Variants in SOCS2 observed in about 807,000 individuals in gnomAD.
SOCS2 encodes suppressor of cytokine signaling 2, also known as CIS-2.
In SOCS2, 10 loss-of-function variants were observed where a neutral mutation model predicts 18.6. The ratio of observed to expected loss-of-function variants is 0.54; its 90% confidence interval spans 0.33 to 0.91. The LOEUF (loss-of-function observed/expected upper bound fraction) is 0.91. Ranked by LOEUF, SOCS2 falls within the 40% of genes least tolerant of loss-of-function variation. The probability of loss-of-function intolerance (pLI) is 0.02; values close to 1 mark genes in which losing one functional copy is unlikely to be tolerated. For missense variants in SOCS2, 231 were observed against 247.2 expected (o/e 0.93, Z 0.44); for synonymous variants, 104 against 104.0 (o/e 1.00, Z 0.00).
chr12:93,572,488 A>G (rs1954290874), upstream of SOCS2: 1 of 370,718 alleles, frequency 2.7e-6, no homozygotes, highest in South Asian at 2.2e-5. This position sits in a 1 kb window ranked among gnomAD's most constrained non-coding sequence, Gnocchi z 5.0. Flanking sequence ...TCTTCAGCCA[A>G]CTTTATCTTG....
the SOCS2 span, among the ~76,000 whole-genome samples, chr12:93,615,142 A>C: frequency 6.6e-6 from 1 of 152,114 alleles, no homozygotes; most frequent in East Asian, 1.9e-4. Context: ...GAGCTGCCTT[A>C]TCATCCTGCC....
the SOCS2 span, among the ~76,000 whole-genome samples, chr12:93,596,909 T>A: frequency 1.3e-5 from 2 of 152,154 alleles, no homozygotes; most frequent in African/African-American, 4.8e-5. Flanking sequence ...ACAAATTGTC[T>A]TTCTTCTTGG....
At chr12:93,599,640 A>T in the SOCS2 span, among the ~76,000 whole-genome samples, 1 of 152,214 alleles carries the variant, frequency 6.6e-6, no homozygotes, top group African/African-American at 2.4e-5. Flanking sequence ...GAGAGGTGGG[A>T]CCTTTAATAG....
At chr12:93,614,840 C>T in the SOCS2 span, among the ~76,000 whole-genome samples, 2 of 151,216 alleles carry the variant, frequency 1.3e-5, no homozygotes, top group Admixed American at 6.6e-5. Context: ...TCTTGAACTC[C>T]CGACCTCAGG....
At chr12:93,622,203 G>A in the SOCS2 span, among the ~76,000 whole-genome samples, 2 of 152,172 alleles carry the variant, frequency 1.3e-5, no homozygotes, top group East Asian at 3.9e-4. Context: ...GCTGAGGGCT[G>A]CTGATTTCTT....
rs1039457809 is a variant in SOCS2 at position 93,573,229 on chromosome 12, CA to C, written c.139+194del. 13 of 695,950 alleles carry C rather than the reference CA, an allele frequency of 1.9e-5. No individual in the cohort carries two copies. The African/African-American group carries it at 2.3e-4, about 13-fold the overall frequency. 43.1% of individuals were successfully genotyped at this position (695,950 alleles called of 1,614,324 possible). A position where few individuals can be genotyped will look rare whatever the true frequency, so the allele number is the denominator to read the frequency against. On this transcript the variant is annotated intron_variant, in intron 1 of 1. Transcript: ENST00000551556. Reference sequence around the variant, plus strand: ...TAAGGAAAGTGGTTCTCCAGGGACTCAGGCCTGGCGGAGCGCAGAGCGCGGG... The same window carrying C: ...TAAGGAAAGTGGTTCTCCAGGGACTCGGCCTGGCGGAGCGCAGAGCGCGGG...
the SOCS2 span, among the ~76,000 whole-genome samples, chr12:93,596,387 A>G: frequency 3.9e-5 from 6 of 152,220 alleles, no homozygotes; most frequent in Non-Finnish European, 5.9e-5. Flanking sequence ...TCTGATTTTA[A>G]TACCTGATTT....
chr12:93,624,542 G>A, the SOCS2 span, among the ~76,000 whole-genome samples: 1 of 151,040 alleles, frequency 6.6e-6, no homozygotes. Context: ...ACTGCACTCA[G>A]CCTGGCAACA....
At chr12:93,603,082 C>A in the SOCS2 span, among the ~76,000 whole-genome samples, 1 of 152,128 alleles carries the variant, frequency 6.6e-6, no homozygotes, top group Non-Finnish European at 1.5e-5. Flanking sequence ...GAGACCAAGT[C>A]GTAGCTGTTC....
chr12:93,619,232 C>T, the SOCS2 span, among the ~76,000 whole-genome samples: 1 of 152,162 alleles, frequency 6.6e-6, no homozygotes, highest in Non-Finnish European at 1.5e-5. Context: ...GGGTAAGTTG[C>T]CCCGCTTCTT....
chr12:93,601,021 G>A, the SOCS2 span, among the ~76,000 whole-genome samples: 13 of 150,936 alleles, frequency 8.6e-5, no homozygotes, highest in South Asian at 2.1e-4. Context: ...GAACTCTTGC[G>A]CTCAAGTTAT....
At chr12:93,607,835 C>T in the SOCS2 span, among the ~76,000 whole-genome samples, 3 of 152,142 alleles carry the variant, frequency 2.0e-5, no homozygotes, top group Non-Finnish European at 4.4e-5. Flanking sequence ...TGGAATACCC[C>T]TCACTGTGTG....
chr12:93,590,565 A>G, the SOCS2 span, among the ~76,000 whole-genome samples: 6 of 149,878 alleles, frequency 4.0e-5, no homozygotes, highest in East Asian at 4.0e-4. Flanking sequence ...GGGAGGCCGA[A>G]GTGGGCGGAT....
downstream of SOCS2, among the ~76,000 whole-genome samples, chr12:93,580,755 G>A (rs549467943): frequency 7.9e-5 from 12 of 151,996 alleles, no homozygotes; most frequent in South Asian, 1.7e-3. Flanking sequence ...TAGGTTTCCA[G>A]CATAGCTTGT....
At chr12:93,618,606 A>G in the SOCS2 span, among the ~76,000 whole-genome samples, 1 of 152,148 alleles carries the variant, frequency 6.6e-6, no homozygotes, top group East Asian at 1.9e-4. Context: ...TTTTACATGT[A>G]TGCCTCTACT....
chr12:93,599,622 G>A, the SOCS2 span, among the ~76,000 whole-genome samples: 8 of 152,382 alleles, frequency 5.2e-5, no homozygotes, highest in African/African-American at 1.9e-4. Flanking sequence ...CAGTGCAACA[G>A]TGTTGAGGAG....
the SOCS2 span, among the ~76,000 whole-genome samples, chr12:93,609,723 C>G: frequency 6.6e-6 from 1 of 152,300 alleles, no homozygotes; most frequent in East Asian, 1.9e-4. Flanking sequence ...TGACTGTTCC[C>G]TAGGGATCTG....
chr12:93,580,396 C>T (rs184315778), downstream of SOCS2, among the ~76,000 whole-genome samples: 10 of 152,010 alleles, frequency 6.6e-5, no homozygotes, highest in East Asian at 1.2e-3. Flanking sequence ...CCAAGGTGGA[C>T]GGATCACTTG....
At chr12:93,587,446 C>T (rs1432856210), downstream of SOCS2, among the ~76,000 whole-genome samples, 2 of 152,102 alleles carry the variant, frequency 1.3e-5, no homozygotes, top group Non-Finnish European at 2.9e-5. Flanking sequence ...CTTTGGGAGG[C>T]AGAGGTGGGC....
Sources: allele counts gnomAD v4.1 joint callset (sites outside exome capture counted in the v4.1 genomes callset), GRCh38; gene constraint gnomAD v4.1.1; non-coding constraint Gnocchi (gnomAD v3.1); transcripts MANE v1.5; gene names NCBI Gene and HGNC (gene_info 2026-07-23, HGNC 2026-07-21).